Variants in PDZRN4 observed in about 807,000 individuals in gnomAD.
PDZRN4 encodes PDZ domain-containing RING finger protein 4.
A neutral mutation model predicts 99.0 loss-of-function variants in PDZRN4; 70 were observed. The observed-to-expected ratio is 0.71, with a 90% CI of 0.58 to 0.86. The LOEUF (loss-of-function observed/expected upper bound fraction) is 0.86, where lower values mean the gene tolerates loss of function less well. PDZRN4 is among the 40% of genes least tolerant of loss of function. The pLI, the probability that PDZRN4 is intolerant of heterozygous loss-of-function variation, is 0.00. For synonymous variants in PDZRN4, 551 were observed against 501.6 expected (o/e 1.10, Z -1.32); for missense variants, 1,474 against 1,331.2 (o/e 1.11, Z -1.67).
intron 5 of PDZRN4, among the ~76,000 whole-genome samples, chr12:41,542,768 G>C (rs1377825155): frequency 6.6e-6 from 1 of 152,078 alleles, no homozygotes; most frequent in East Asian, 1.9e-4. Flanking sequence ...GTTAGATTAT[G>C]TCTAAAATTC....
At chr12:41,361,613 G>C (rs1951963709) in intron 3 of PDZRN4, among the ~76,000 whole-genome samples, 1 of 151,924 alleles carries the variant, frequency 6.6e-6, no homozygotes, top group Non-Finnish European at 1.5e-5. Context: ...TATTTCACTG[G>C]TAGACATAAA....
At chr12:41,258,977 A>G (rs531287568) in intron 3 of PDZRN4, among the ~76,000 whole-genome samples, 9 of 152,186 alleles carry the variant, frequency 5.9e-5, no homozygotes, top group African/African-American at 2.2e-4. Context: ...GCGGGGGGGC[A>G]CTACAATTCA....
At chr12:41,436,264 C>G (rs1022786210) in intron 3 of PDZRN4, among the ~76,000 whole-genome samples, 1 of 152,138 alleles carries the variant, frequency 6.6e-6, no homozygotes, top group Non-Finnish European at 1.5e-5. Context: ...CCCAGAAAAT[C>G]GGATTATTAC....
intron 3 of PDZRN4, among the ~76,000 whole-genome samples, chr12:41,282,124 A>C (rs1416343740): frequency 6.6e-6 from 1 of 152,134 alleles, no homozygotes; most frequent in Non-Finnish European, 1.5e-5. Flanking sequence ...TATTCAGGAG[A>C]CCCATCTCAT....
At chr12:41,347,587 T>C (rs1188313594) in intron 3 of PDZRN4, among the ~76,000 whole-genome samples, 2 of 152,150 alleles carry the variant, frequency 1.3e-5, no homozygotes, top group African/African-American at 4.8e-5. Context: ...TTTTTCTTAT[T>C]CTATGGGTTG....
chr12:41,496,527 G>A (rs185569864), intron 3 of PDZRN4, among the ~76,000 whole-genome samples: 85 of 152,168 alleles, frequency 5.6e-4, no homozygotes, highest in Non-Finnish European at 1.1e-3. Flanking sequence ...TGATTCCCAC[G>A]TCGATGCTCT....
At chr12:41,190,916 A>C (rs1423451295) in intron 1 of PDZRN4, among the ~76,000 whole-genome samples, 3 of 152,224 alleles carry the variant, frequency 2.0e-5, no homozygotes, top group Non-Finnish European at 2.9e-5. Context: ...AATTATGCAA[A>C]ACCAAATAGG....
chr12:41,275,858 G>A (rs1047945843), intron 3 of PDZRN4, among the ~76,000 whole-genome samples: 2 of 152,080 alleles, frequency 1.3e-5, no homozygotes, highest in African/African-American at 2.4e-5. Flanking sequence ...TGAATCTAAG[G>A]AAATAATTTA....
chr12:41,507,775 G>C (rs1397615567), intron 4 of PDZRN4, among the ~76,000 whole-genome samples: 1 of 147,086 alleles, frequency 6.8e-6, no homozygotes, highest in African/African-American at 2.6e-5. Context: ...CAGGGGATCT[G>C]TTTGTCTTGG....
At chr12:41,503,449 C>T (rs900070863) in intron 3 of PDZRN4, among the ~76,000 whole-genome samples, 11 of 152,030 alleles carry the variant, frequency 7.2e-5, no homozygotes, top group Admixed American at 2.6e-4. Flanking sequence ...GACATATGAA[C>T]GCTAATATTG....
Position 41,574,554 on chromosome 12 carries a change from AGAG to A in PDZRN4, c.*665_*667del, listed in dbSNP as rs1939547119. On this transcript the variant is annotated 3_prime_UTR_variant, in exon 10 of 10. Transcript: ENST00000402685. Reference sequence around the variant, plus strand: ...TAATTATGGTAATTGTGACAATTAAAGAGAAATAAATTATTGATTATCCTTCAG... The same window carrying A: ...TAATTATGGTAATTGTGACAATTAAAAAATAAATTATTGATTATCCTTCAG... 1 of 152,700 alleles carries A rather than the reference AGAG, an allele frequency of 6.5e-6. No homozygotes were observed. The highest frequency in any genetic ancestry group is 1.5e-5 in the Non-Finnish European group (1 of 68,040). The allele number at this position is 152,700 out of a possible 1,614,324, so 9.5% of individuals were successfully genotyped here. A position where few individuals can be genotyped will look rare whatever the true frequency, so the allele number is the denominator to read the frequency against.
At chr12:41,363,072 A>C (rs1278246544) in intron 3 of PDZRN4, among the ~76,000 whole-genome samples, 1 of 152,088 alleles carries the variant, frequency 6.6e-6, no homozygotes, top group African/African-American at 2.4e-5. Context: ...GAGAGCATGA[A>C]GTATCACAGG....
At chr12:41,248,178 A>G (rs1044631114) in intron 3 of PDZRN4, among the ~76,000 whole-genome samples, 9 of 152,232 alleles carry the variant, frequency 5.9e-5, no homozygotes, top group Non-Finnish European at 8.8e-5. Context: ...AGCAAATAAT[A>G]GTGTGTGAAA....
chr12:41,435,652 G>A (rs1263792074), intron 3 of PDZRN4, among the ~76,000 whole-genome samples: 1 of 152,064 alleles, frequency 6.6e-6, no homozygotes, highest in Non-Finnish European at 1.5e-5. Context: ...GCCAGGCATG[G>A]TGGCACACAC....
At chr12:41,244,694 T>G (rs1951122787) in intron 3 of PDZRN4, among the ~76,000 whole-genome samples, 2 of 91,870 alleles carry the variant, frequency 2.2e-5, no homozygotes, top group Admixed American at 1.2e-4. Flanking sequence ...TTTTTTCTTT[T>G]TGAGACGGAG....
chr12:41,403,013 T>A (rs1592045960), intron 3 of PDZRN4, among the ~76,000 whole-genome samples: 1 of 152,076 alleles, frequency 6.6e-6, no homozygotes, highest in Non-Finnish European at 1.5e-5. Context: ...TCAAGCCAGA[T>A]TTGTAATTGT....
chr12:41,406,729 A>G (rs1365218625), intron 3 of PDZRN4, among the ~76,000 whole-genome samples: 1 of 151,578 alleles, frequency 6.6e-6, no homozygotes, highest in African/African-American at 2.4e-5. Flanking sequence ...CCTCAACTCT[A>G]CTACTGTAAT....
intron 3 of PDZRN4, among the ~76,000 whole-genome samples, chr12:41,243,840 T>C (rs1171726751): frequency 6.6e-6 from 1 of 152,216 alleles, no homozygotes; most frequent in East Asian, 1.9e-4. Flanking sequence ...GATATCCCTA[T>C]AACTAATGTT....
chr12:41,236,126 T>G (rs938816713), intron 3 of PDZRN4, among the ~76,000 whole-genome samples: 1 of 152,154 alleles, frequency 6.6e-6, no homozygotes, highest in Non-Finnish European at 1.5e-5. Flanking sequence ...CAAAGAAGTT[T>G]GCAATCTAGT....
Sources: gnomAD v4.1 joint callset for allele counts (sites outside exome capture counted in the v4.1 genomes callset) on GRCh38, gnomAD v4.1.1 for gene constraint, MANE v1.5 for transcripts, NCBI Gene and HGNC (gene_info 2026-07-23, HGNC 2026-07-21) for gene names.